Variants in NOMO2 observed in about 807,000 individuals in gnomAD.
NOMO2 encodes BOS complex subunit NOMO2.
Under a neutral mutation model 67.1 loss-of-function variants are expected in NOMO2, and 14 were observed. That is an observed-to-expected ratio of 0.21 (90% CI 0.14 to 0.33). NOMO2 has a LOEUF of 0.33. NOMO2 is among the 10% of genes least tolerant of loss of function. NOMO2 has a pLI of 1.00. For missense variants in NOMO2, 178 were observed against 761.0 expected (o/e 0.23, Z 9.01); for synonymous variants, 80 against 305.9 (o/e 0.26, Z 7.71).
rs533164985 is a variant in NOMO2 at position 18,528,654 on chromosome 16, G to A, written c.1806+847C>T. Among the ~76,000 whole-genome samples the A allele has an allele frequency of 5.9e-5, 9 of 151,824 alleles. No individual in the cohort carries two copies. The South Asian group carries it at 1.5e-3, about 25-fold the overall frequency. On this transcript the variant is annotated intron_variant, in intron 15 of 30. Transcript: ENST00000622306. ...GTTTACAGCTTCTTCCCCTGCGCTG[G>A]AACAAATACACCAGAGAAGGTGGGG... is the stretch of plus-strand genomic sequence containing the variant.
chr16:18,528,988 A>T (rs1489722422), intron 15 of NOMO2, among the ~76,000 whole-genome samples: 14 of 68,116 alleles, frequency 2.1e-4, no homozygotes, highest in South Asian at 4.9e-4. Context: ...AAAAAAAAAA[A>T]ATACATATAT....
chr16:18,527,668 A>G (rs1427920853), intron 15 of NOMO2, 44 bp from the exon 16 acceptor site: 7 of 677,162 alleles, frequency 1.0e-5, no homozygotes, highest in Non-Finnish European at 1.9e-5. Flanking sequence ...AGAGAGATGG[A>G]GACACCAAGA....
intron 16 of NOMO2, among the ~76,000 whole-genome samples, chr16:18,527,212 T>C (rs1901165707): frequency 7.7e-6 from 1 of 130,706 alleles, no homozygotes; most frequent in South Asian, 2.6e-4. Flanking sequence ...CAAGACTCCA[T>C]CTCAAAAAAA....
Position 18,535,614 on chromosome 16 carries a change from C to T in NOMO2, c.1221-2435G>A, listed in dbSNP as rs375659072. Among the ~76,000 whole-genome samples the T allele has an allele frequency of 3.3e-5, 5 of 151,944 alleles. No individual in the cohort carries two copies. In the East Asian group the frequency reaches 5.8e-4, roughly 18 times the overall value. On this transcript the variant is annotated intron_variant, in intron 11 of 30. Transcript: ENST00000622306. ...TACCAAATCCATCTACTCCTCCCTC[C>T]CTCGCCTGCCAGCCGCCTGGGCCCG...
intron 11 of NOMO2, among the ~76,000 whole-genome samples, chr16:18,536,580 G>A (rs1901428663): frequency 1.3e-5 from 2 of 151,792 alleles, no homozygotes; most frequent in Non-Finnish European, 2.9e-5. Flanking sequence ...CAAACTCCTG[G>A]GCTCAAGCGA....
At chr16:18,533,228 G>C in intron 11 of NOMO2, 49 bp from the exon 12 acceptor site, 1 of 1,584,748 alleles carries the variant, frequency 6.3e-7, no homozygotes, top group Non-Finnish European at 8.6e-7. Flanking sequence ...AATTATAACA[G>C]GAAAGGCTCT....
rs199642513 is a variant in NOMO2 at position 18,531,451 on chromosome 16, C to T, written c.1537+15G>A. ...CTTTGAAACTATGTGTTCTTACTTT[C>T]CAGTGATATCTTACCCAAACAAGAG... On this transcript the variant is annotated intron_variant, in intron 13 of 30. Transcript: ENST00000622306. 3.0e-3 allele frequency: 4,779 copies of T among 1,613,038 alleles called. 41 individuals carry two copies. The highest frequency in any genetic ancestry group is 3.7e-3 in the Non-Finnish European group (4,422 of 1,179,650).
intron 15 of NOMO2, 123 bp downstream of exon 15, chr16:18,529,378 G>A (rs768233182): frequency 1.2e-6 from 2 of 1,607,824 alleles, no homozygotes; most frequent in South Asian, 1.1e-5. Flanking sequence ...AGGTGGGCGA[G>A]TGGAGAGGCA....
At chr16:18,535,108 G>C (rs1328250447) in intron 11 of NOMO2, among the ~76,000 whole-genome samples, 5 of 120,692 alleles carry the variant, frequency 4.1e-5, no homozygotes. Flanking sequence ...GCCGAGGCGG[G>C]TGGGTCACTT....
At position 18,561,889 on chromosome 16, in the gene NOMO2, T is replaced by A; in HGVS notation, c.152A>T (p.Tyr51Phe). ...GFVKSDVEINYSLIEIKLYTK... is the reference protein window; with the variant it reads ...GFVKSDVEINFSLIEIKLYTK... ...GCGGGCGCTCACCTCGATGAGCGAG[T>A]AGTTGATCTCCACGTCCGACTTGAC... Residue 51 changes from tyrosine (Y) to phenylalanine (F), a missense_variant, in exon 1 of 31, where the codon TAC (tyrosine) becomes TTC (phenylalanine). Physicochemically the swap from Tyr to Phe is conservative, Grantham distance 22. Coordinates refer to ENST00000622306, the MANE Select transcript of NOMO2 (RefSeq NM_173614.4). The A allele has an allele frequency of 6.4e-7, 1 of 1,561,236 alleles. No individual in the cohort carries two copies. Among genetic ancestry groups the A allele is most frequent in the Non-Finnish European group, 8.7e-7 (1 of 1,155,964 alleles).
chr16:18,545,026 C>T (rs141014635), intron 6 of NOMO2, among the ~76,000 whole-genome samples: 11,950 of 136,490 alleles, frequency 0.088, 726 homozygotes, highest in Non-Finnish European at 0.13. Flanking sequence ...TCTATGCAGA[C>T]AATTAACATA....
Position 18,561,173 on chromosome 16 carries a change from TAAAAAA to T in NOMO2, c.165+697_165+702del, listed in dbSNP as rs756246897. Among the ~76,000 whole-genome samples the T allele has an allele frequency of 1.5e-3, 49 of 32,446 alleles. 1 individual carries two copies. In the South Asian group the frequency reaches 0.04, roughly 26 times the overall value. The allele number at this position is 32,446 out of a possible 152,430, so 21.3% of individuals were successfully genotyped here. A position where few individuals can be genotyped will look rare whatever the true frequency, so the allele number is the denominator to read the frequency against. On this transcript the variant is annotated intron_variant, in intron 1 of 30. Transcript: ENST00000622306. ...ATTTAACAGGACTTTACAACTTAAT[TAAAAAA>T]AAAAAAAAAAAAAAAAAAAAAAAAA...
chr16:18,561,776 A>T, intron 1 of NOMO2, 100 bp downstream of exon 1: 1 of 1,361,088 alleles, frequency 7.3e-7, no homozygotes, highest in Non-Finnish European at 9.9e-7. Context: ...GGCTCCAAGG[A>T]CTCCACACCG....
rs1205316762 is a variant in NOMO2 at position 18,561,906 on chromosome 16, C to A, written c.135G>T (p.Ser45=). Residue 45 remains serine, a synonymous_variant, in exon 1 of 31, where the codon TCG becomes TCT. Coordinates refer to ENST00000622306, the MANE Select transcript of NOMO2 (RefSeq NM_173614.4). ...IVVGCGGFVK[S]DVEINYSLIE... is the part of the protein sequence containing the mutation. ...TGAGCGAGTAGTTGATCTCCACGTC[C>A]GACTTGACGAAGCCACCGCAGCCCA... 19 of 1,573,200 alleles carry A rather than the reference C, an allele frequency of 1.2e-5. No homozygotes were observed. In the Admixed American group the frequency reaches 2.2e-4, roughly 19 times the overall value.
intron 2 of NOMO2, among the ~76,000 whole-genome samples, chr16:18,555,154 T>C (rs527835596): frequency 2.7e-5 from 4 of 147,488 alleles, no homozygotes; most frequent in South Asian, 4.4e-4. Flanking sequence ...TATAATTCTA[T>C]TAATTGAGTC....
intron 14 of NOMO2, among the ~76,000 whole-genome samples, chr16:18,530,123 AAAAG>A (rs1452024680): frequency 9.7e-6 from 1 of 102,876 alleles, no homozygotes; most frequent in African/African-American, 3.4e-5. Flanking sequence ...ATTTCAAAAA[AAAAG>A]AAAGAAAAAC....
chr16:18,527,230 GA>G (rs996696715), intron 16 of NOMO2, among the ~76,000 whole-genome samples: 7 of 144,056 alleles, frequency 4.9e-5, no homozygotes, highest in East Asian at 2.0e-4. Context: ...AAAAAAAAGA[GA>G]AAAAAAAATG....
At chr16:18,559,962 A>G (rs1459951687) in intron 1 of NOMO2, among the ~76,000 whole-genome samples, 1 of 151,708 alleles carries the variant, frequency 6.6e-6, no homozygotes, top group African/African-American at 2.4e-5. Context: ...GTACTGCTAT[A>G]TCCACACTGG....
chr16:18,528,899 C>T (rs1448296628), intron 15 of NOMO2, among the ~76,000 whole-genome samples: 3 of 138,224 alleles, frequency 2.2e-5, no homozygotes, highest in East Asian at 2.1e-4. Flanking sequence ...ACTCGGGAGG[C>T]GGAGGTTTCA....
Sources: gnomAD v4.1 joint callset for allele counts (sites outside exome capture counted in the v4.1 genomes callset) on GRCh38, gnomAD v4.1.1 for gene constraint, MANE v1.5 for transcripts, NCBI Gene and HGNC (gene_info 2026-07-23, HGNC 2026-07-21) for gene names.